The following AK8 variants were observed in gnomAD, a reference collection of about 807,000 sequenced individuals.
AK8 encodes the protein adenylate kinase 8.
In AK8, 44 loss-of-function variants were observed where a neutral mutation model predicts 54.6. That is an observed-to-expected ratio of 0.81 (90% CI 0.63 to 1.04). The LOEUF is 1.04. AK8 is among the 50% of genes least tolerant of loss of function. The pLI is 0.00. For synonymous variants in AK8, 239 were observed against 245.6 expected (o/e 0.97, Z 0.25); for missense variants, 555 against 613.6 (o/e 0.90, Z 1.01).
intron 2 of AK8, chr9:132,874,562 T>C (rs937996378): frequency 6.5e-6 from 1 of 154,480 alleles, no homozygotes; most frequent in African/African-American, 2.4e-5. Context: ...GGGGCCTTCC[T>C]TGAGTGAGCG....
At chr9:132,859,121 T>C (rs1435684357) in intron 4 of AK8, among the ~76,000 whole-genome samples, 1 of 152,100 alleles carries the variant, frequency 6.6e-6, no homozygotes, top group African/African-American at 2.4e-5. Flanking sequence ...CAGCTGGAGA[T>C]GGAGTGGCCA....
chr9:132,872,262 G>A (rs968959445), intron 2 of AK8, among the ~76,000 whole-genome samples: 1 of 152,128 alleles, frequency 6.6e-6, no homozygotes, highest in Admixed American at 6.5e-5. Flanking sequence ...CTTGAGCCTA[G>A]GAGGTCAAGC....
chr9:132,795,415 G>A (rs981118811), intron 10 of AK8, among the ~76,000 whole-genome samples: 3 of 152,186 alleles, frequency 2.0e-5, no homozygotes, highest in South Asian at 4.1e-4. Flanking sequence ...TGAGATTACT[G>A]TGTGAAAGAA....
intron 9 of AK8, among the ~76,000 whole-genome samples, chr9:132,819,328 G>A (rs1195058931): frequency 6.6e-6 from 1 of 152,204 alleles, no homozygotes; most frequent in East Asian, 1.9e-4. Context: ...ATGTATGTAG[G>A]TTATATGCAA....
At chr9:132,805,597 C>A (rs1476364611) in intron 10 of AK8, among the ~76,000 whole-genome samples, 1 of 151,890 alleles carries the variant, frequency 6.6e-6, no homozygotes, top group Non-Finnish European at 1.5e-5. Context: ...CGGAGAAAGA[C>A]AAGGCACACT....
intron 11 of AK8, among the ~76,000 whole-genome samples, chr9:132,752,289 G>A (rs569628219): frequency 1.1e-4 from 15 of 141,446 alleles, no homozygotes; most frequent in Admixed American, 2.2e-4. Flanking sequence ...TCTCGCTGTC[G>A]CCCAGGCTGG....
At chr9:132,870,658 G>A (rs527400951) in intron 2 of AK8, among the ~76,000 whole-genome samples, 37 of 152,346 alleles carry the variant, frequency 2.4e-4, no homozygotes, top group Non-Finnish European at 1.2e-4. Flanking sequence ...CTGCTCCCTC[G>A]TGTGCTCGCT....
At chr9:132,813,476 C>A (rs971439722) in intron 10 of AK8, among the ~76,000 whole-genome samples, 2 of 152,232 alleles carry the variant, frequency 1.3e-5, no homozygotes, top group African/African-American at 2.4e-5. Flanking sequence ...GCACTGCTCA[C>A]TATAATGGCA....
At chr9:132,782,830 G>A (rs1045600892) in intron 11 of AK8, among the ~76,000 whole-genome samples, 10 of 152,178 alleles carry the variant, frequency 6.6e-5, no homozygotes, top group African/African-American at 1.4e-4. Context: ...CAGGAATAAC[G>A]GCAGTAAAAC....
intron 4 of AK8, among the ~76,000 whole-genome samples, chr9:132,862,687 C>A (rs1207048874): frequency 6.6e-6 from 1 of 152,142 alleles, no homozygotes; most frequent in East Asian, 1.9e-4. Flanking sequence ...GTCTTCATAG[C>A]CACATCTGAG....
intron 11 of AK8, among the ~76,000 whole-genome samples, chr9:132,740,008 A>C (rs1349000370): frequency 1.3e-5 from 2 of 152,230 alleles, no homozygotes; most frequent in Non-Finnish European, 2.9e-5. Flanking sequence ...ACGACCCCTG[A>C]TTTGTAGCAT....
At chr9:132,730,688 T>C (rs539484) in intron 11 of AK8, among the ~76,000 whole-genome samples, 11,355 of 152,014 alleles carry the variant, frequency 0.075, 1,258 homozygotes, top group African/African-American at 0.24. Context: ...AACACCTGGG[T>C]CAGGGATTCT....
At chr9:132,867,724 T>TAAC (rs1843662473) in intron 2 of AK8, among the ~76,000 whole-genome samples, 1 of 152,244 alleles carries the variant, frequency 6.6e-6, no homozygotes, top group Non-Finnish European at 1.5e-5. Context: ...TGGCCCTTTC[T>TAAC]CTGTTCTAGG....
At chr9:132,740,455 C>T (rs1173147494) in intron 11 of AK8, among the ~76,000 whole-genome samples, 2 of 152,222 alleles carry the variant, frequency 1.3e-5, no homozygotes, top group Non-Finnish European at 2.9e-5. Flanking sequence ...CAGTTCTCTC[C>T]ATCACGGAGC....
intron 11 of AK8, among the ~76,000 whole-genome samples, chr9:132,759,597 C>T (rs1838355646): frequency 6.6e-6 from 1 of 152,180 alleles, no homozygotes; most frequent in Admixed American, 6.5e-5. Context: ...TTTTAAACTA[C>T]CTGGAATTGA....
intron 10 of AK8, among the ~76,000 whole-genome samples, chr9:132,794,892 T>A (rs1840092492): frequency 6.6e-6 from 1 of 152,150 alleles, no homozygotes; most frequent in Non-Finnish European, 1.5e-5. Flanking sequence ...TCCTATCTGC[T>A]GAAAGGATAA....
intron 9 of AK8, among the ~76,000 whole-genome samples, chr9:132,821,276 A>C (rs1841592696): frequency 6.6e-6 from 1 of 151,776 alleles, no homozygotes; most frequent in African/African-American, 2.4e-5. Flanking sequence ...CTCCACGCTC[A>C]CTCTGTCCCT....
At position 132,854,918 on chromosome 9, in the gene AK8, G is replaced by T; in HGVS notation, c.341C>A (p.Pro114His). Residue 114 changes from proline (P) to histidine (H), a missense_variant, in exon 5 of 13, where the codon CCC (proline) becomes CAC (histidine). Transcript: ENST00000298545. ...AATCAGCTGGACGAGCAGCGCGCTG[G>T]GAACTGTCTGAAGGAAAAAGGACAC... ...RRLYLQRKTV[P>H]SALLVQLIQE... The T allele has an allele frequency of 6.2e-7, 1 of 1,613,932 alleles. No homozygotes were observed. Among genetic ancestry groups the T allele is most frequent in the Non-Finnish European group, 8.5e-7 (1 of 1,179,920 alleles).
chr9:132,792,964 C>T (rs891216827), intron 10 of AK8, among the ~76,000 whole-genome samples, 189 bp from the exon 11 acceptor site: 3 of 152,186 alleles, frequency 2.0e-5, no homozygotes, highest in Admixed American at 1.3e-4. Flanking sequence ...AACGGGGCTG[C>T]GTGAGATGGG....
Sources: gnomAD v4.1 joint callset for allele counts (sites outside exome capture counted in the v4.1 genomes callset) on GRCh38, gnomAD v4.1.1 for gene constraint, MANE v1.5 for transcripts, NCBI Gene and HGNC (gene_info 2026-07-23, HGNC 2026-07-21) for gene names.